The following TRIM15 variants were observed in gnomAD, a reference collection of about 807,000 sequenced individuals.
The protein encoded by TRIM15 is E3 ubiquitin-protein ligase TRIM15.
Under a neutral mutation model 35.8 loss-of-function variants are expected in TRIM15, and 35 were observed. That is an observed-to-expected ratio of 0.98 (90% CI 0.75 to 1.30). The LOEUF (loss-of-function observed/expected upper bound fraction) is 1.30, where lower values mean the gene tolerates loss of function less well. TRIM15 is among the 50% of genes most tolerant of loss of function. TRIM15 has a pLI of 0.00. For synonymous variants in TRIM15, 252 were observed against 249.8 expected, an observed-to-expected ratio of 1.01 and a Z score of -0.08; for missense variants, 590 against 593.5, an observed-to-expected ratio of 0.99 and a Z score of 0.06.
At chr6:30,168,009 G>A (rs1272955772) in intron 2 of TRIM15, among the ~76,000 whole-genome samples, 1 of 152,188 alleles carries the variant, frequency 6.6e-6, no homozygotes, top group Non-Finnish European at 1.5e-5. Context: ...AGAAGGCATA[G>A]TAGGGTTATG....
At chr6:30,165,280 T>C (rs546951841) in intron 1 of TRIM15, among the ~76,000 whole-genome samples, 2 of 152,104 alleles carry the variant, frequency 1.3e-5, no homozygotes, top group African/African-American at 2.4e-5. Context: ...CAGGCCCCGA[T>C]GTGTGATGTT....
chr6:30,167,152 A>T (rs1245556590), intron 1 of TRIM15, 24 bp from the exon 2 acceptor site: 1 of 1,588,154 alleles, frequency 6.3e-7, no homozygotes, highest in Admixed American at 1.7e-5. Context: ...AGTCACCTCT[A>T]TCCACCCATT....
In TRIM15 at chr6:30,163,728, C is replaced by A. The variant is rs1177683415; in HGVS notation, c.44C>A (p.Ala15Asp). The change falls in exon 1 of 7, where the codon GCC becomes GAC. Residue 15 changes from alanine to aspartate, a missense_variant. Physicochemically the swap from Ala to Asp is moderately radical, Grantham distance 126. Transcript: ENST00000376694. ...PSLKVVHELP[A>D]CTLCAGPLED... ...CTGAAGGTGGTCCATGAGCTGCCTGCCTGTACCCTCTGTGCGGGGCCGCTG... is the reference window on the plus strand; with the variant it reads ...CTGAAGGTGGTCCATGAGCTGCCTGACTGTACCCTCTGTGCGGGGCCGCTG... The A allele has an allele frequency of 6.2e-7, 1 of 1,612,824 alleles. No individual in the cohort carries two copies. The highest frequency in any genetic ancestry group is 8.5e-7 in the Non-Finnish European group (1 of 1,179,960).
rs1234228984 is a variant in TRIM15, at chr6:30,167,234, T to C, written c.440T>C (p.Val147Ala). The change falls in exon 2 of 7, where the codon GTA (valine) becomes GCA (alanine). Residue 147 changes from valine to alanine, a missense_variant. Physicochemically the swap from Val to Ala is moderately conservative, Grantham distance 64 (BLOSUM62 0). Transcript: ENST00000376694. ...LSTERDEIED[V>A]KCQEDQKLQV... ...ACGGAGAGAGATGAGATTGAGGATG[T>C]AAAGTGTCAAGAAGACCAGAAGCTT... 2 of 1,613,086 alleles carry C rather than the reference T, an allele frequency of 1.2e-6. No individual in the cohort carries two copies. Among genetic ancestry groups the C allele is most frequent in the Non-Finnish European group, 8.5e-7 (1 of 1,180,020 alleles).
Position 30,172,182 on chromosome 6 carries a change from A to T in TRIM15, c.1231A>T (p.Ile411Phe), listed in dbSNP as rs1488101965. ...SPGTDLPLSE[I>F]PRGVRVALDY... ...GGGCACCGACCTGCCGCTGAGCGAG[A>T]TCCCGCGCGGCGTGAGAGTCGCCCT... Residue 411 changes from isoleucine (I) to phenylalanine (F), a missense_variant, in exon 7 of 7, where the codon ATC becomes TTC. Ile to Phe is a conservative substitution (Grantham distance 21). Coordinates refer to ENST00000376694, the MANE Select transcript of TRIM15 (RefSeq NM_033229.3). 6.2e-7 allele frequency: 1 copy of T among 1,606,846 alleles called. No homozygotes were observed.
intron 1 of TRIM15, among the ~76,000 whole-genome samples, chr6:30,165,234 C>G (rs1183736490): frequency 6.6e-6 from 1 of 152,046 alleles, no homozygotes; most frequent in Non-Finnish European, 1.5e-5. Context: ...GGTATTTCTC[C>G]TAATGCTATC....
chr6:30,165,278 G>A (rs527417634), intron 1 of TRIM15, among the ~76,000 whole-genome samples: 4 of 152,174 alleles, frequency 2.6e-5, no homozygotes, highest in South Asian at 2.1e-4. Flanking sequence ...GACAGGCCCC[G>A]ATGTGTGATG....
At chr6:30,171,805 T>C (rs537987560) in intron 6 of TRIM15, 27 bp from the exon 7 acceptor site, 1 of 1,488,520 alleles carries the variant, frequency 6.7e-7, no homozygotes, top group Non-Finnish European at 8.9e-7. Context: ...CCGCCCGCTG[T>C]TGATGTCTGC....
intron 1 of TRIM15, 98 bp from the exon 2 acceptor site, chr6:30,167,078 C>A (rs1773652344): frequency 9.3e-7 from 1 of 1,079,374 alleles, no homozygotes; most frequent in Non-Finnish European, 1.4e-6. Flanking sequence ...CCTTTGAACC[C>A]CTCAGCACTC....
At chr6:30,164,100 G>A (rs770358088) in intron 1 of TRIM15, 35 bp downstream of exon 1, 1 of 1,584,784 alleles carries the variant, frequency 6.3e-7, no homozygotes, top group South Asian at 1.2e-5. Context: ...GCCTGTTTGG[G>A]GCAGGATGAT....
At chr6:30,165,124 T>C (rs552745958) in intron 1 of TRIM15, among the ~76,000 whole-genome samples, 106 of 152,082 alleles carry the variant, frequency 7.0e-4, no homozygotes, top group Non-Finnish European at 1.3e-3. Context: ...TTTTTTATTA[T>C]ACATGTTCTG....
rs764092263 is a variant in TRIM15 at position 30,163,757 on chromosome 6, G to A, written c.73G>A (p.Asp25Asn). The change falls in exon 1 of 7, where the codon GAT (aspartate) becomes AAT (asparagine). Residue 25 changes from aspartate to asparagine, a missense_variant. Transcript: ENST00000376694. The part of the protein sequence containing the change: ...ACTLCAGPLE[D>N]AVTIPCGHTF... ...TACCCTCTGTGCGGGGCCGCTGGAG[G>A]ATGCGGTGACCATTCCCTGTGGACA... 6.2e-7 allele frequency: 1 copy of A among 1,613,004 alleles called. No homozygotes were observed. The highest frequency in any genetic ancestry group is 1.7e-5 in the Admixed American group (1 of 60,022).
rs917601645 is a variant in TRIM15 at position 30,171,928 on chromosome 6, C to T, written c.977C>T (p.Pro326Leu). 7.5e-6 allele frequency: 12 copies of T among 1,598,470 alleles called. No homozygotes were observed. In the African/African-American group the frequency reaches 1.3e-4, roughly 18 times the overall value. ...TACACCCGGCAGAAGAAGAGCCTGC[C>T]AGACAGCCCCCTGCGCTTCGACGGC... ...VRYTRQKKSL[P>L]DSPLRFDGLP... is the part of the protein sequence containing the mutation. The change falls in exon 7 of 7, where the codon CCA becomes CTA. Residue 326 changes from proline to leucine, a missense_variant. Pro to Leu is a moderately conservative substitution (Grantham distance 98, BLOSUM62 -3). Transcript: ENST00000376694.
chr6:30,172,415 C>G lies in TRIM15; in HGVS notation c.*66C>G. The stretch of plus-strand genomic sequence containing the variant: ...CTCCGGGATCCAGCTCCGCCCCTGG[C>G]CAGTGTGCGGCCCGGGGGCTCCCTG... On this transcript the variant is annotated 3_prime_UTR_variant, in exon 7 of 7. Coordinates refer to ENST00000376694, the MANE Select transcript of TRIM15 (RefSeq NM_033229.3). 6.5e-7 allele frequency: 1 copy of G among 1,535,086 alleles called. No individual in the cohort carries two copies. Among genetic ancestry groups the G allele is most frequent in the Non-Finnish European group, 8.7e-7 (1 of 1,146,798 alleles).
At chr6:30,170,949 C>A (rs758423447) in intron 5 of TRIM15, 27 bp from the exon 6 acceptor site, 1 of 1,607,762 alleles carries the variant, frequency 6.2e-7, no homozygotes, top group East Asian at 2.2e-5. Flanking sequence ...AGTCACAGAT[C>A]TCTCTTTCTA....
intron 1 of TRIM15, among the ~76,000 whole-genome samples, chr6:30,165,820 T>C (rs963796565): frequency 6.6e-6 from 1 of 152,214 alleles, no homozygotes; most frequent in Non-Finnish European, 1.5e-5. Flanking sequence ...TGGTATCTCA[T>C]TGTGGTTTTG....
chr6:30,167,366 A>G, intron 2 of TRIM15, 95 bp downstream of exon 2: 1 of 1,004,574 alleles, frequency 1.0e-6, no homozygotes, highest in Non-Finnish European at 1.5e-6. Context: ...CTGGCTGAAA[A>G]GAACTGACAA....
In TRIM15 at chr6:30,169,273, A is replaced by G. The variant is rs1773845064; in HGVS notation, c.731+10A>G. 6.2e-7 allele frequency: 1 copy of G among 1,612,944 alleles called. No individual in the cohort carries two copies. The highest frequency in any genetic ancestry group is 8.5e-7 in the Non-Finnish European group (1 of 1,179,988). The stretch of plus-strand genomic sequence containing the variant: ...GAGTCAACCAGAGCAGGTAGGGCCC[A>G]CTCCCCGGTCCTGCCTCCTTTTACT... On this transcript the variant is annotated intron_variant, in intron 4 of 6. Transcript: ENST00000376694.
At chr6:30,170,661 C>T (rs760304681) in intron 5 of TRIM15, 45 bp downstream of exon 5, 1 of 1,463,182 alleles carries the variant, frequency 6.8e-7, no homozygotes, top group Non-Finnish European at 9.5e-7. Flanking sequence ...CATTAGCTGC[C>T]CTCCTGTCTT....
Sources: allele counts gnomAD v4.1 joint callset (sites outside exome capture counted in the v4.1 genomes callset), GRCh38; gene constraint gnomAD v4.1.1; transcripts MANE v1.5; gene names NCBI Gene and HGNC (gene_info 2026-07-23, HGNC 2026-07-21).